Variants in SLC4A4 observed in about 807,000 individuals in gnomAD.
SLC4A4 encodes electrogenic sodium bicarbonate cotransporter 1.
A neutral mutation model predicts 111.5 loss-of-function variants in SLC4A4; 27 were observed. The ratio of observed to expected loss-of-function variants is 0.24; its 90% CI spans 0.18 to 0.33. The LOEUF is 0.33. Ranked by LOEUF, SLC4A4 falls within the 10% of genes least tolerant of loss-of-function variation. SLC4A4 has a pLI of 1.00. For missense variants in SLC4A4, 909 were observed against 1,315.5 expected, an observed-to-expected ratio of 0.69 and a Z score of 4.78; for synonymous variants, 443 against 463.4, an observed-to-expected ratio of 0.96 and a Z score of 0.57.
At chr4:71,511,712 AT>A (rs1731937659) in intron 16 of SLC4A4, among the ~76,000 whole-genome samples, 1 of 152,226 alleles carries the variant, frequency 6.6e-6, no homozygotes, top group South Asian at 2.1e-4. Context: ...CAAACATTGA[AT>A]TTGATCCTTC....
At chr4:71,269,507 T>A (rs971067256) in intron 3 of SLC4A4, among the ~76,000 whole-genome samples, 7 of 152,080 alleles carry the variant, frequency 4.6e-5, no homozygotes, top group Non-Finnish European at 7.4e-5. Flanking sequence ...TCTTTAAAAA[T>A]TTTTTTTTGT....
chr4:71,570,624 G>A lies in SLC4A4; in HGVS notation c.*2873G>A, dbSNP rs1237942026. Reference sequence around the variant, plus strand: ...CCATGATGTGACTTCCGGAGATAAAGGATTCAAAAGATAAAGACAAAGTAC... The same window carrying A: ...CCATGATGTGACTTCCGGAGATAAAAGATTCAAAAGATAAAGACAAAGTAC... On this transcript the variant is annotated 3_prime_UTR_variant, in exon 26 of 26. Coordinates refer to ENST00000264485, the MANE Select transcript of SLC4A4 (RefSeq NM_001098484.3). 2.0e-5 allele frequency: 3 copies of A among 152,256 alleles called. No individual in the cohort carries two copies. The East Asian group carries it at 5.9e-4, about 30-fold the overall frequency. The allele number at this position is 152,256 out of a possible 1,614,324, so 9.4% of individuals were successfully genotyped here.
At chr4:71,121,070 A>G (rs1488605327) in intron 2 of SLC4A4, among the ~76,000 whole-genome samples, 1 of 152,152 alleles carries the variant, frequency 6.6e-6, no homozygotes, top group East Asian at 1.9e-4. Flanking sequence ...CTTAGCACCC[A>G]GGCTAGCAGC....
intron 1 of SLC4A4, among the ~76,000 whole-genome samples, chr4:71,091,309 G>GT (rs1742381344): frequency 2.1e-5 from 3 of 145,940 alleles, no homozygotes; most frequent in African/African-American, 7.6e-5. Context: ...CTGGAGTGCA[G>GT]TGGCATGATC....
intron 8 of SLC4A4, among the ~76,000 whole-genome samples, chr4:71,446,374 G>C (rs1483414404): frequency 1.3e-5 from 2 of 152,094 alleles, no homozygotes; most frequent in Non-Finnish European, 2.9e-5. Flanking sequence ...TCTTGTCCCT[G>C]GCTAAGCATC....
chr4:71,357,438 T>A (rs960378038), intron 6 of SLC4A4, among the ~76,000 whole-genome samples: 1 of 152,212 alleles, frequency 6.6e-6, no homozygotes, highest in Admixed American at 6.5e-5. Flanking sequence ...CTATTCTGAT[T>A]GATGGAGGTG....
In SLC4A4 at chr4:71,563,296, A is replaced by T. The variant is rs72854456; in HGVS notation, c.3100-497A>T. On this transcript the variant is annotated intron_variant, in intron 23 of 25. Transcript: ENST00000264485. ...AGTAAGAGAGGAAAGTTTATTTTCT[A>T]GTGTACATAGAAGGCTTCTTGATAG... Among the ~76,000 whole-genome samples, 890 of 151,976 alleles carry T rather than the reference A, an allele frequency of 5.9e-3. 11 individuals are homozygous for T. The highest frequency in any genetic ancestry group is 0.02 in the African/African-American group (831 of 41,532).
chr4:71,320,794 T>C (rs1031446840), intron 3 of SLC4A4, among the ~76,000 whole-genome samples: 1 of 152,044 alleles, frequency 6.6e-6, no homozygotes, highest in Non-Finnish European at 1.5e-5. Flanking sequence ...TTGGAAATTC[T>C]TCACCCAGTT....
intron 1 of SLC4A4, among the ~76,000 whole-genome samples, chr4:71,221,596 T>C (rs1393627418): frequency 6.6e-6 from 1 of 152,214 alleles, no homozygotes; most frequent in African/African-American, 2.4e-5. Flanking sequence ...TCTCATGATA[T>C]CCACATATTA....
chr4:71,104,184 A>C (rs1339199320), intron 2 of SLC4A4, among the ~76,000 whole-genome samples: 1 of 28,614 alleles, frequency 3.5e-5, no homozygotes, highest in Non-Finnish European at 6.9e-5. Flanking sequence ...GAAATGGATA[A>C]ATTCCTTGAC....
Position 71,536,485 on chromosome 4 carries a change from T to TATATATATATATATATATATATATAA in SLC4A4, c.2442+2099_2442+2100insATATATATATATATATATATATAAAT, listed in dbSNP as rs760037325. 6.4e-4 allele frequency among the ~76,000 whole-genome samples: 54 copies of TATATATATATATATATATATATATAA among 83,940 alleles called. 2 individuals are homozygous for TATATATATATATATATATATATATAA. Among genetic ancestry groups the TATATATATATATATATATATATATAA allele is most frequent in the East Asian group, 3.2e-3 (5 of 1,576 alleles). The allele number at this position is 83,940 out of a possible 152,430, so 55.1% of individuals were successfully genotyped here. ...ATATACATATATATATATATATATA[T>TATATATATATATATATATATATATAA]ATGTATATATTTATTTATTTATTTA... On this transcript the variant is annotated intron_variant, in intron 18 of 25. Coordinates refer to ENST00000264485, the MANE Select transcript of SLC4A4 (RefSeq NM_001098484.3).
At chr4:71,515,274 A>C (rs1019736366) in intron 16 of SLC4A4, among the ~76,000 whole-genome samples, 2 of 151,996 alleles carry the variant, frequency 1.3e-5, no homozygotes, top group East Asian at 3.9e-4. Context: ...ATATATTTTT[A>C]TAAATTTCCG....
chr4:71,192,328 A>G (rs1324929904), intron 1 of SLC4A4, among the ~76,000 whole-genome samples: 1 of 152,174 alleles, frequency 6.6e-6, no homozygotes, highest in East Asian at 1.9e-4. Flanking sequence ...AATAGAGGGT[A>G]AAAAAGTAAA....
chr4:71,455,462 A>G (rs367806426), intron 12 of SLC4A4, among the ~76,000 whole-genome samples: 6 of 152,194 alleles, frequency 3.9e-5, no homozygotes, highest in African/African-American at 1.2e-4. Context: ...TCTAAATGAC[A>G]GCGTAAGGAT....
intron 6 of SLC4A4, among the ~76,000 whole-genome samples, chr4:71,362,746 T>A (rs1730906970): frequency 6.6e-6 from 1 of 152,158 alleles, no homozygotes. Context: ...GGGGGGGTCC[T>A]AAATCACACT....
At chr4:71,287,489 C>T (rs767151469) in intron 3 of SLC4A4, among the ~76,000 whole-genome samples, 1 of 152,130 alleles carries the variant, frequency 6.6e-6, no homozygotes, top group Non-Finnish European at 1.5e-5. Flanking sequence ...CGTTTATGGG[C>T]TTATTTTTCC....
At chr4:71,526,999 G>A (rs545175975) in intron 16 of SLC4A4, among the ~76,000 whole-genome samples, 2 of 152,112 alleles carry the variant, frequency 1.3e-5, no homozygotes, top group East Asian at 3.9e-4. Flanking sequence ...TTTAATTCAG[G>A]CTAATCTTCC....
intron 3 of SLC4A4, chr4:71,338,988 T>A: frequency 8.0e-7 from 1 of 1,245,962 alleles, no homozygotes; most frequent in Non-Finnish European, 1.1e-6. Context: ...CCCACTGCTG[T>A]ATGAAAAAGT....
intron 3 of SLC4A4, among the ~76,000 whole-genome samples, chr4:71,332,693 A>G (rs1159114068): frequency 6.6e-6 from 1 of 151,984 alleles, no homozygotes; most frequent in East Asian, 1.9e-4. Context: ...CGGCCTCCCA[A>G]AGTGCTGGGA....
Sources: gnomAD v4.1 joint callset for allele counts (sites outside exome capture counted in the v4.1 genomes callset) on GRCh38, gnomAD v4.1.1 for gene constraint, MANE v1.5 for transcripts, NCBI Gene and HGNC (gene_info 2026-07-23, HGNC 2026-07-21) for gene names.